Variants in DPY19L2 observed in about 807,000 individuals in gnomAD.
DPY19L2 encodes the protein dpy-19 like 2, also known as probable C-mannosyltransferase DPY19L2.
Under a neutral mutation model 97.9 loss-of-function variants are expected in DPY19L2, and 34 were observed. The ratio of observed to expected loss-of-function variants is 0.35; its 90% confidence interval spans 0.26 to 0.46. The LOEUF is 0.46. Ranked by LOEUF, DPY19L2 falls within the 20% of genes least tolerant of loss-of-function variation. The pLI is 1.00. For missense variants in DPY19L2, 623 were observed against 911.4 expected (o/e 0.68, Z 4.07); for synonymous variants, 230 against 307.9 (o/e 0.75, Z 2.65).
chr12:63,628,020 G>A (rs1204915789), intron 6 of DPY19L2, among the ~76,000 whole-genome samples: 2 of 152,196 alleles, frequency 1.3e-5, no homozygotes, highest in East Asian at 3.8e-4. Context: ...GAGTAGCAAG[G>A]ACCAATTGTC....
At chr12:63,625,021 A>G (rs963690564) in intron 7 of DPY19L2, among the ~76,000 whole-genome samples, 1 of 152,174 alleles carries the variant, frequency 6.6e-6, no homozygotes, top group East Asian at 1.9e-4. Context: ...AAAATAATAT[A>G]TATAAGGATT....
chr12:63,596,343 T>C (rs1884234946), intron 14 of DPY19L2, among the ~76,000 whole-genome samples: 1 of 152,182 alleles, frequency 6.6e-6, no homozygotes, highest in South Asian at 2.1e-4. Flanking sequence ...TTAAAATGTG[T>C]GTCTACCGAT....
chr12:63,605,321 T>C (rs999174573), intron 12 of DPY19L2, among the ~76,000 whole-genome samples: 2 of 152,094 alleles, frequency 1.3e-5, no homozygotes, highest in African/African-American at 2.4e-5. Context: ...GCAGGCTTCT[T>C]GGAGGGAATA....
At chr12:63,599,098 A>G (rs1378950993) in intron 13 of DPY19L2, among the ~76,000 whole-genome samples, 1 of 151,590 alleles carries the variant, frequency 6.6e-6, no homozygotes, top group Non-Finnish European at 1.5e-5. Flanking sequence ...GCTTGAGCCC[A>G]GGAGATGGAG....
At chr12:63,644,045 T>C (rs1893061180) in intron 6 of DPY19L2, among the ~76,000 whole-genome samples, 1 of 152,190 alleles carries the variant, frequency 6.6e-6, no homozygotes, top group Non-Finnish European at 1.5e-5. Flanking sequence ...TTCCTACTGC[T>C]TTCTTAATTT....
At chr12:63,667,946 A>G in intron 1 of DPY19L2, 111 bp downstream of exon 1, 1 of 1,300,880 alleles carries the variant, frequency 7.7e-7, no homozygotes, top group Non-Finnish European at 1.1e-6. Context: ...GGACCTTGCT[A>G]TTATTTCCTA....
chr12:63,626,935 C>T (rs1171537347), intron 6 of DPY19L2, among the ~76,000 whole-genome samples: 3 of 152,208 alleles, frequency 2.0e-5, no homozygotes, highest in Admixed American at 6.5e-5. Flanking sequence ...CGTGCTGCCA[C>T]ACCCGGCTAA....
At chr12:63,596,191 T>A (rs534611359) in intron 14 of DPY19L2, among the ~76,000 whole-genome samples, 154 bp from the exon 15 acceptor site, 107 of 152,182 alleles carry the variant, frequency 7.0e-4, no homozygotes, top group Middle Eastern at 3.4e-3. Flanking sequence ...TTGTCTTCCA[T>A]GCCTTAATAA....
At chr12:63,653,946 T>A (rs1894616981) in intron 4 of DPY19L2, among the ~76,000 whole-genome samples, 1 of 151,712 alleles carries the variant, frequency 6.6e-6, no homozygotes, top group African/African-American at 2.4e-5. Flanking sequence ...AGCAAAAATA[T>A]CCTTCAGTAA....
intron 2 of DPY19L2, among the ~76,000 whole-genome samples, chr12:63,665,244 G>A (rs913327564): frequency 6.6e-6 from 1 of 152,108 alleles, no homozygotes; most frequent in Non-Finnish European, 1.5e-5. Flanking sequence ...GGCCGAGGCA[G>A]GTGGATCATT....
intron 14 of DPY19L2, among the ~76,000 whole-genome samples, chr12:63,597,066 G>C (rs1884374515): frequency 6.6e-6 from 1 of 151,958 alleles, no homozygotes; most frequent in African/African-American, 2.4e-5. Flanking sequence ...TCCACCTCCA[G>C]GGTTCAAGCA....
rs1326220033 is a variant in DPY19L2 at position 63,619,516 on chromosome 12, C to CT, written c.1054-1289dup. On this transcript the variant is annotated intron_variant, in intron 9 of 21. Coordinates refer to ENST00000324472, the MANE Select transcript of DPY19L2 (RefSeq NM_173812.5). ...AAACATTAACAGCAATATCAAACTT[C>CT]TTTTTTTTTTTTTGAAACTGAGTCT... Among the ~76,000 whole-genome samples the CT allele has an allele frequency of 1.3e-3, 190 of 145,236 alleles. 1 individual carries two copies. The highest frequency in any genetic ancestry group is 1.3e-3 in the Admixed American group (19 of 14,456).
intron 6 of DPY19L2, among the ~76,000 whole-genome samples, chr12:63,636,537 A>G (rs1891732513): frequency 1.3e-5 from 2 of 152,128 alleles, no homozygotes. Flanking sequence ...AACCCATCTC[A>G]TGTGCAGAGA....
chr12:63,651,724 A>G (rs1029241637), intron 4 of DPY19L2: 9 of 432,182 alleles, frequency 2.1e-5, no homozygotes, highest in African/African-American at 1.6e-4. Flanking sequence ...TACAACTGCA[A>G]TCTCTCCAAG....
At chr12:63,634,155 C>T (rs1592666340) in intron 6 of DPY19L2, among the ~76,000 whole-genome samples, 2 of 151,994 alleles carry the variant, frequency 1.3e-5, no homozygotes, top group South Asian at 2.1e-4. Context: ...ATGGCACATG[C>T]ATACATATGT....
chr12:63,582,020 C>G (rs925225256), intron 18 of DPY19L2, among the ~76,000 whole-genome samples: 1 of 140,934 alleles, frequency 7.1e-6, no homozygotes, highest in African/African-American at 2.7e-5. Context: ...GGGCTGGTCT[C>G]GAACTCCTGG....
rs529484251 is a variant in DPY19L2, at chr12:63,642,179, A to C, written c.803+2224T>G. Among the ~76,000 whole-genome samples, 6 of 152,262 alleles carry C rather than the reference A, an allele frequency of 3.9e-5. No individual in the cohort carries two copies. The South Asian group carries it at 1.2e-3, about 32-fold the overall frequency. On this transcript the variant is annotated intron_variant, in intron 6 of 21. Coordinates refer to ENST00000324472, the MANE Select transcript of DPY19L2 (RefSeq NM_173812.5). ...TCTGTCCTGTATTCCAAGCACCTAG[A>C]ACAGTGCTCCTGGTCACAACAGTCT... is the stretch of plus-strand genomic sequence containing the variant.
chr12:63,569,517 A>G (rs1384160461), intron 20 of DPY19L2, 168 bp from the exon 21 acceptor site: 1 of 459,254 alleles, frequency 2.2e-6, no homozygotes, highest in Non-Finnish European at 3.9e-6. Context: ...CCACATTCCT[A>G]CTTATATTTT....
intron 16 of DPY19L2, among the ~76,000 whole-genome samples, chr12:63,587,557 A>AATAATT (rs1555185972): frequency 2.2e-5 from 3 of 136,228 alleles, no homozygotes; most frequent in Non-Finnish European, 4.7e-5. Context: ...CATTTTTAAA[A>AATAATT]ATTATTATTA....
Sources: allele counts gnomAD v4.1 joint callset (sites outside exome capture counted in the v4.1 genomes callset), GRCh38; gene constraint gnomAD v4.1.1; transcripts MANE v1.5; gene names NCBI Gene and HGNC (gene_info 2026-07-23, HGNC 2026-07-21).